The following PRDM2 variants were observed in gnomAD, a reference collection of about 807,000 sequenced individuals.
The protein encoded by PRDM2 is PR domain zinc finger protein 2.
Under a neutral mutation model 130.0 loss-of-function variants are expected in PRDM2, and 30 were observed. That is an observed-to-expected ratio of 0.23 (90% CI 0.17 to 0.31). PRDM2 has a LOEUF of 0.31. Ranked by LOEUF, PRDM2 falls within the 10% of genes least tolerant of loss-of-function variation. The pLI, the probability that PRDM2 is intolerant of heterozygous loss-of-function variation, is 1.00. For missense variants in PRDM2, 2,011 were observed against 2,108.4 expected (o/e 0.95, Z 0.90); for synonymous variants, 871 against 782.4 (o/e 1.11, Z -1.89).
chr1:13,752,895 A>G (rs905331876), intron 6 of PRDM2, among the ~76,000 whole-genome samples: 3 of 152,216 alleles, frequency 2.0e-5, no homozygotes, highest in African/African-American at 7.2e-5. Context: ...CTAACCTCAC[A>G]AAGTTGTCAA....
chr1:13,781,889 C>T lies in PRDM2; in HGVS notation c.4094C>T (p.Thr1365Met). ...TCTGCAAGTGACAAGAAGAGGTACACGCCTAAGAAAAACCCAGTACCATTA... is the reference window on the plus strand; with the variant it reads ...TCTGCAAGTGACAAGAAGAGGTACATGCCTAAGAAAAACCCAGTACCATTA... ...CASASDKKRYTPKKNPVPLKQ... is the reference protein window; with the variant it reads ...CASASDKKRYMPKKNPVPLKQ... Residue 1365 changes from threonine to methionine, a missense_variant, in exon 8 of 10, where the codon ACG (threonine) becomes ATG (methionine). By Grantham distance (81) the Thr-to-Met change is moderately conservative (BLOSUM62 -1). Coordinates refer to ENST00000311066, the MANE Select transcript of PRDM2 (RefSeq NM_001393986.1). The surrounding 1 kb of genome is among the most constrained non-coding windows in gnomAD (Gnocchi z 6.1). The T allele has an allele frequency of 2.5e-6, 4 of 1,614,100 alleles. No homozygotes were observed. The highest frequency in any genetic ancestry group is 2.5e-6 in the Non-Finnish European group (3 of 1,180,018).
rs776633713 is a variant in PRDM2, at chr1:13,781,572, AGAG to A, written c.3781_3783del (p.Glu1261del). ...ATCCTTTAGAAACTTCTAAAGAAGAAGAGGAGTTAAATGATTCCTCTGAAGAGC... is the reference window on the plus strand; with the variant it reads ...ATCCTTTAGAAACTTCTAAAGAAGAAGAGTTAAATGATTCCTCTGAAGAGC... On this transcript the variant is annotated inframe_deletion, in exon 8 of 10. Transcript: ENST00000311066. This position sits in a 1 kb window ranked among gnomAD's most constrained non-coding sequence, Gnocchi z 6.1. 6.2e-7 allele frequency: 1 copy of A among 1,611,892 alleles called. No individual in the cohort carries two copies. The highest frequency in any genetic ancestry group is 1.1e-5 in the South Asian group (1 of 91,070).
intron 2 of PRDM2, chr1:13,722,954 T>TG: frequency 4.6e-6 from 2 of 439,122 alleles, no homozygotes; most frequent in South Asian, 3.2e-5. Flanking sequence ...GTCACTCTCC[T>TG]GCCCAAACCC....
At chr1:13,748,884 G>A (rs1445179454) in intron 5 of PRDM2, among the ~76,000 whole-genome samples, 1 of 152,232 alleles carries the variant, frequency 6.6e-6, no homozygotes, top group Non-Finnish European at 1.5e-5. Flanking sequence ...GTAAGTGCTT[G>A]CGCGTGGTTC....
At chr1:13,810,420 G>T (rs1645152160) in intron 8 of PRDM2, among the ~76,000 whole-genome samples, 1 of 152,098 alleles carries the variant, frequency 6.6e-6, no homozygotes, top group Non-Finnish European at 1.5e-5. Flanking sequence ...GTAAGCCATC[G>T]GCCGTATTCG....
In PRDM2 at chr1:13,779,323, C is replaced by T; in HGVS notation, c.1528C>T (p.Leu510=). 6.2e-7 allele frequency: 1 copy of T among 1,614,158 alleles called. No individual in the cohort carries two copies. The highest frequency in any genetic ancestry group is 2.2e-5 in the East Asian group (1 of 44,880). ...RHQRRVHERH[L]IPKGVRRKGG... is the part of the protein sequence containing the mutation. ...TCAGCGTAGAGTTCACGAACGTCAT[C>T]TGATTCCCAAAGGTGTACGGCGAAA... The change falls in exon 8 of 10, where the codon CTG becomes TTG. Residue 510 remains leucine, a synonymous_variant. Coordinates refer to ENST00000311066, the MANE Select transcript of PRDM2 (RefSeq NM_001393986.1). This position sits in a 1 kb window ranked among gnomAD's most constrained non-coding sequence, Gnocchi z 4.9.
chr1:13,790,026 A>T (rs1244907189), intron 8 of PRDM2, among the ~76,000 whole-genome samples: 1 of 152,094 alleles, frequency 6.6e-6, no homozygotes, highest in Non-Finnish European at 1.5e-5. Flanking sequence ...TGCTAGACTT[A>T]ACAAAACGGG....
chr1:13,759,750 T>C (rs1163325828), intron 6 of PRDM2, among the ~76,000 whole-genome samples: 1 of 152,210 alleles, frequency 6.6e-6, no homozygotes, highest in Non-Finnish European at 1.5e-5. Flanking sequence ...TGTGGAACAA[T>C]CTCCTTGACT....
At chr1:13,711,607 A>T (rs558793948) in intron 1 of PRDM2, among the ~76,000 whole-genome samples, 8 of 152,216 alleles carry the variant, frequency 5.3e-5, no homozygotes, top group African/African-American at 1.4e-4. Flanking sequence ...GACTCCGCCC[A>T]GGTCTTACTT....
chr1:13,725,748 A>G (rs1288338331), intron 2 of PRDM2, among the ~76,000 whole-genome samples: 10 of 152,240 alleles, frequency 6.6e-5, no homozygotes, highest in Admixed American at 6.5e-4. Context: ...TCTGAGAGTG[A>G]AAAAGGCAGA....
chr1:13,761,050 C>G (rs1404398406), intron 6 of PRDM2, among the ~76,000 whole-genome samples: 1 of 152,258 alleles, frequency 6.6e-6, no homozygotes. Context: ...ACCTGCTTCT[C>G]TCTTAAAAGC....
At chr1:13,733,469 G>C (rs1180101648) in intron 4 of PRDM2, among the ~76,000 whole-genome samples, 2 of 152,204 alleles carry the variant, frequency 1.3e-5, no homozygotes, top group African/African-American at 2.4e-5. Flanking sequence ...CTTCCCTGGG[G>C]GGCTCCACCC....
chr1:13,816,342 C>A, intron 8 of PRDM2, 85 bp from the exon 9 acceptor site: 2 of 1,528,176 alleles, frequency 1.3e-6, no homozygotes, highest in East Asian at 4.5e-5. Flanking sequence ...AAGTGGTGAC[C>A]AGCACTAAGG....
At chr1:13,726,474 G>T (rs1569758752) in intron 2 of PRDM2, among the ~76,000 whole-genome samples, 1 of 152,152 alleles carries the variant, frequency 6.6e-6, no homozygotes, top group Non-Finnish European at 1.5e-5. Flanking sequence ...TGAGGAGGGG[G>T]TCCTAGCATG....
intron 8 of PRDM2, among the ~76,000 whole-genome samples, chr1:13,797,134 T>C (rs983783118): frequency 3.9e-5 from 6 of 152,346 alleles, no homozygotes; most frequent in African/African-American, 1.2e-4. Context: ...TACAAACCCA[T>C]GGAAGTACTG....
At chr1:13,797,607 T>A (rs1644942387) in intron 8 of PRDM2, among the ~76,000 whole-genome samples, 2 of 152,314 alleles carry the variant, frequency 1.3e-5, no homozygotes, top group Middle Eastern at 3.4e-3. Flanking sequence ...TTTTGCGGTT[T>A]GGTTTGCGTT....
At chr1:13,736,193 C>T (rs1478144395) in intron 4 of PRDM2, among the ~76,000 whole-genome samples, 1 of 150,910 alleles carries the variant, frequency 6.6e-6, no homozygotes, top group Admixed American at 6.6e-5. Context: ...AGCTCATCCT[C>T]TGCCTCCTGG....
intron 1 of PRDM2, among the ~76,000 whole-genome samples, chr1:13,707,327 A>G (rs1382928149): frequency 6.7e-6 from 1 of 148,398 alleles, no homozygotes; most frequent in Non-Finnish European, 1.5e-5. Flanking sequence ...ATTCCTAGAC[A>G]TCTCTTAATT....
At chr1:13,786,859 A>C (rs1298702895) in intron 8 of PRDM2, 8 of 1,093,800 alleles carry the variant, frequency 7.3e-6, no homozygotes, top group Non-Finnish European at 8.9e-6. Flanking sequence ...TAGCAGAGAA[A>C]GGATTGATTT....
Sources: allele counts gnomAD v4.1 joint callset (sites outside exome capture counted in the v4.1 genomes callset), GRCh38; gene constraint gnomAD v4.1.1; non-coding constraint Gnocchi (gnomAD v3.1); transcripts MANE v1.5; gene names NCBI Gene and HGNC (gene_info 2026-07-23, HGNC 2026-07-21).